The following NRG3 variants were observed in gnomAD, a reference collection of about 807,000 sequenced individuals.
NRG3 encodes the protein pro-neuregulin-3, membrane-bound isoform.
NRG3 carries 31 observed loss-of-function variants against 66.9 expected under a neutral mutation model. The ratio of observed to expected loss-of-function variants is 0.46; its 90% CI spans 0.35 to 0.63. NRG3 has a LOEUF of 0.63. NRG3 is among the 20% of genes least tolerant of loss of function. The probability of loss-of-function intolerance (pLI) is 0.00; values close to 1 mark genes in which losing one functional copy is unlikely to be tolerated. For synonymous variants in NRG3, 393 were observed against 359.4 expected (o/e 1.09, Z -1.06); for missense variants, 910 against 878.9 (o/e 1.04, Z -0.45).
At chr10:82,753,957 A>C (rs555045389) in intron 3 of NRG3, among the ~76,000 whole-genome samples, 5 of 152,068 alleles carry the variant, frequency 3.3e-5, no homozygotes, top group Non-Finnish European at 5.9e-5. Flanking sequence ...AAAAAAAAAA[A>C]AAAAGTTCCT....
chr10:82,970,123 ATT>A (rs1362657470), intron 6 of NRG3, among the ~76,000 whole-genome samples: 1 of 152,044 alleles, frequency 6.6e-6, no homozygotes, highest in Non-Finnish European at 1.5e-5. Context: ...GGAAATTATT[ATT>A]TTGAACTTTT....
chr10:82,091,068 T>C (rs899676902), intron 1 of NRG3, among the ~76,000 whole-genome samples: 1 of 152,194 alleles, frequency 6.6e-6, no homozygotes, highest in Non-Finnish European at 1.5e-5. Context: ...AGTTTGTTTT[T>C]TTTTTAATTT....
At chr10:82,398,200 C>T (rs2086838918) in intron 2 of NRG3, among the ~76,000 whole-genome samples, 2 of 152,092 alleles carry the variant, frequency 1.3e-5, no homozygotes, top group Non-Finnish European at 2.9e-5. Context: ...CCAGACTCAG[C>T]AGCAGTAGTC....
At chr10:82,672,781 A>G (rs750117932) in intron 2 of NRG3, among the ~76,000 whole-genome samples, 8 of 151,910 alleles carry the variant, frequency 5.3e-5, no homozygotes, top group Non-Finnish European at 1.2e-4. Context: ...ATGGAGTCTT[A>G]CTCTGTCTCC....
At chr10:82,137,071 A>G (rs1014175482) in intron 1 of NRG3, among the ~76,000 whole-genome samples, 3 of 152,134 alleles carry the variant, frequency 2.0e-5, no homozygotes, top group Non-Finnish European at 4.4e-5. Context: ...TTGTGTGGAT[A>G]GTTGTTCAAT....
At chr10:82,184,590 G>A (rs944669275) in intron 1 of NRG3, among the ~76,000 whole-genome samples, 1 of 152,154 alleles carries the variant, frequency 6.6e-6, no homozygotes, top group South Asian at 2.1e-4. Flanking sequence ...CACATTTCTT[G>A]TTATATTTTG....
intron 1 of NRG3, among the ~76,000 whole-genome samples, chr10:82,356,566 A>T (rs1350126906): frequency 6.6e-6 from 1 of 152,166 alleles, no homozygotes; most frequent in Non-Finnish European, 1.5e-5. Flanking sequence ...CTCCTGCAAG[A>T]TGGAAAATGT....
chr10:81,926,682 C>G (rs1564663596), intron 1 of NRG3, among the ~76,000 whole-genome samples: 1 of 151,998 alleles, frequency 6.6e-6, no homozygotes, highest in African/African-American at 2.4e-5. Context: ...CCCTGCCTTC[C>G]CAAATCAGTT....
rs201614818 is a variant in NRG3 at position 82,879,467 on chromosome 10, C to CTTTTT, written c.1054+14049_1054+14053dup. Among the ~76,000 whole-genome samples the CTTTTT allele has an allele frequency of 1.4e-3, 174 of 121,826 alleles. 2 individuals are homozygous for CTTTTT. The highest frequency in any genetic ancestry group is 6.5e-3 in the Middle Eastern group (1 of 154). The allele number at this position is 121,826 out of a possible 152,430, so 79.9% of individuals were successfully genotyped here. On this transcript the variant is annotated intron_variant, in intron 4 of 8. Transcript: ENST00000372141. ...AAAAATGGTATTAATCTAATGAAGA[C>CTTTTT]TTTTTTTTTTTTTTTTTTTTTTTGA...
At chr10:82,249,074 A>G (rs1366735666) in intron 1 of NRG3, among the ~76,000 whole-genome samples, 2 of 152,216 alleles carry the variant, frequency 1.3e-5, no homozygotes, top group East Asian at 3.8e-4. Flanking sequence ...ATGATCAAGC[A>G]TAAGTCTGTC....
chr10:82,064,511 G>A (rs369096968), intron 1 of NRG3, among the ~76,000 whole-genome samples: 2 of 151,890 alleles, frequency 1.3e-5, no homozygotes, highest in African/African-American at 2.4e-5. Flanking sequence ...ACTTATACGC[G>A]TTGAAAAAAA....
chr10:82,595,153 A>G (rs902362410), intron 2 of NRG3, among the ~76,000 whole-genome samples: 2 of 152,026 alleles, frequency 1.3e-5, no homozygotes, highest in African/African-American at 2.4e-5. Flanking sequence ...AAGTTTATGC[A>G]TAGATGCTTT....
chr10:82,827,189 T>C (rs1444111781), intron 3 of NRG3: 1 of 328,458 alleles, frequency 3.0e-6, no homozygotes, highest in Non-Finnish European at 5.9e-6. Flanking sequence ...TGTGAGACTT[T>C]TTGTTACCAA....
chr10:82,837,323 A>C (rs145096853), intron 3 of NRG3, among the ~76,000 whole-genome samples: 1,955 of 152,198 alleles, frequency 0.013, 47 homozygotes, highest in African/African-American at 0.045. Flanking sequence ...ACCACACTGA[A>C]TTCCACAATG....
At chr10:82,946,646 C>T (rs1849048715) in intron 4 of NRG3, among the ~76,000 whole-genome samples, 1 of 152,016 alleles carries the variant, frequency 6.6e-6, no homozygotes, top group African/African-American at 2.4e-5. Context: ...TATGGGTGAG[C>T]AGTGTCATAT....
intron 1 of NRG3, among the ~76,000 whole-genome samples, chr10:81,941,825 A>G (rs891096950): frequency 6.6e-6 from 1 of 152,110 alleles, no homozygotes; most frequent in African/African-American, 2.4e-5. Context: ...ACTTTGGGAT[A>G]TCCATCCTCT....
chr10:82,386,127 CCT>C (rs2085970405), intron 2 of NRG3, among the ~76,000 whole-genome samples: 1 of 151,934 alleles, frequency 6.6e-6, no homozygotes, highest in South Asian at 2.1e-4. Context: ...ATTATTCTAC[CCT>C]CTCTGGTCTA....
chr10:82,499,827 A>G (rs747263131), intron 2 of NRG3, among the ~76,000 whole-genome samples: 2 of 152,202 alleles, frequency 1.3e-5, no homozygotes, highest in Non-Finnish European at 2.9e-5. Context: ...AAAAACCTTC[A>G]GGTAAATTCT....
chr10:82,111,039 T>G (rs970931353), intron 1 of NRG3, among the ~76,000 whole-genome samples: 8 of 152,350 alleles, frequency 5.3e-5, no homozygotes, highest in African/African-American at 1.7e-4. Context: ...AAAACTTTTC[T>G]GTTGCCTGTA....
Sources: gnomAD v4.1 joint callset for allele counts (sites outside exome capture counted in the v4.1 genomes callset) on GRCh38, gnomAD v4.1.1 for gene constraint, MANE v1.5 for transcripts, NCBI Gene and HGNC (gene_info 2026-07-23, HGNC 2026-07-21) for gene names.